Variants in NGEF observed in about 807,000 individuals in gnomAD.
NGEF encodes the protein neuronal guanine nucleotide exchange factor.
In NGEF, 31 loss-of-function variants were observed where a neutral mutation model predicts 80.9. The observed-to-expected ratio is 0.38, with a 90% CI of 0.29 to 0.52. The LOEUF is 0.52. NGEF is among the 20% of genes least tolerant of loss of function. NGEF has a pLI of 0.84. For synonymous variants in NGEF, 371 were observed against 370.2 expected (o/e 1.00, Z -0.03); for missense variants, 709 against 926.2 (o/e 0.77, Z 3.04).
intron 5 of NGEF, among the ~76,000 whole-genome samples, chr2:232,895,682 G>A (rs1330583954): frequency 6.6e-6 from 1 of 152,156 alleles, no homozygotes; most frequent in African/African-American, 2.4e-5. Flanking sequence ...GGGGAAACCG[G>A]CCAGTGTCAA....
chr2:232,994,746 T>C (rs1694742847), intron 1 of NGEF, among the ~76,000 whole-genome samples: 1 of 152,092 alleles, frequency 6.6e-6, no homozygotes, highest in Non-Finnish European at 1.5e-5. Context: ...ATCCAACTCC[T>C]GGGACTGATG....
intron 3 of NGEF, among the ~76,000 whole-genome samples, chr2:232,949,621 G>A (rs6437076): frequency 0.03 from 4,517 of 151,202 alleles, 214 homozygotes; most frequent in African/African-American, 0.1. Context: ...GGGATTACAG[G>A]CATGCACCAC....
chr2:232,936,454 C>G (rs548480564), intron 3 of NGEF, among the ~76,000 whole-genome samples: 310 of 152,312 alleles, frequency 2.0e-3, no homozygotes, highest in African/African-American at 7.1e-3. Context: ...TTTCCTTACC[C>G]AGGAGCCTTG....
rs1487281619 is a variant in NGEF, at chr2:232,920,421, G to A, written c.691C>T (p.Pro231Ser). The change falls in exon 5 of 15, where the codon CCA (proline) becomes TCA (serine). Residue 231 changes from proline (P) to serine (S), a missense_variant. Pro to Ser is a moderately conservative substitution (Grantham distance 74). Coordinates refer to ENST00000264051, the MANE Select transcript of NGEF (RefSeq NM_019850.3). The part of the protein sequence containing the change: ...EEEEEEPASP[P>S]ERKTLPQICL... ...ATCTGGGGCAGAGTCTTCCTCTCTG[G>A]TGGGCTGGCCGGCTCCTCCTCCTCC... 6.2e-7 allele frequency: 1 copy of A among 1,614,024 alleles called. No homozygotes were observed. The highest frequency in any genetic ancestry group is 1.7e-5 in the Admixed American group (1 of 60,006).
intron 1 of NGEF, among the ~76,000 whole-genome samples, chr2:232,978,867 A>G (rs1019529860): frequency 3.3e-5 from 5 of 152,178 alleles, no homozygotes; most frequent in African/African-American, 1.2e-4. Context: ...AATAGCTGGG[A>G]GCACAGGCGC....
At chr2:232,943,168 T>C (rs899421283) in intron 3 of NGEF, among the ~76,000 whole-genome samples, 3 of 151,978 alleles carry the variant, frequency 2.0e-5, no homozygotes, top group African/African-American at 7.2e-5. Flanking sequence ...CCTTCCTTCC[T>C]TTTTTTGTGG....
intron 3 of NGEF, among the ~76,000 whole-genome samples, chr2:232,961,698 A>G (rs371698925): frequency 1.3e-5 from 2 of 152,026 alleles, no homozygotes; most frequent in African/African-American, 2.4e-5. Context: ...GGGTTTCACC[A>G]TGATAGCCAG....
chr2:232,981,527 C>A (rs1694418881), intron 1 of NGEF, among the ~76,000 whole-genome samples: 1 of 152,098 alleles, frequency 6.6e-6, no homozygotes, highest in South Asian at 2.1e-4. Context: ...GTTTTGCAGG[C>A]CCTGCACTGG....
At position 232,882,425 on chromosome 2, in the gene NGEF, G is replaced by A. The variant is rs371748226; in HGVS notation, c.1758-160C>T. Among the ~76,000 whole-genome samples the A allele has an allele frequency of 4.6e-5, 7 of 152,342 alleles. No individual in the cohort carries two copies. The East Asian group carries it at 1.2e-3, about 25-fold the overall frequency. On this transcript the variant is annotated intron_variant, in intron 12 of 14. Transcript: ENST00000264051. ...GACAGCTCGGGGGAGCCACAGAAACGGGCTGGTCCAGGGTCTGACACATAC... is the reference window on the plus strand; with the variant it reads ...GACAGCTCGGGGGAGCCACAGAAACAGGCTGGTCCAGGGTCTGACACATAC...
intron 3 of NGEF, chr2:232,928,025 G>A: frequency 8.3e-7 from 1 of 1,201,152 alleles, no homozygotes; most frequent in Non-Finnish European, 1.0e-6. Flanking sequence ...GCGGGTGCGG[G>A]GGCCGGGTCG....
intron 3 of NGEF, among the ~76,000 whole-genome samples, chr2:232,932,312 G>A (rs1379423715): frequency 2.6e-5 from 4 of 151,764 alleles, no homozygotes; most frequent in East Asian, 3.9e-4. Flanking sequence ...TTAAAGGTGC[G>A]CACCATCATG....
At chr2:232,886,095 G>A (rs1691673264) in intron 9 of NGEF, among the ~76,000 whole-genome samples, 1 of 79,148 alleles carries the variant, frequency 1.3e-5, no homozygotes, top group African/African-American at 5.1e-5. Context: ...TGTGTGTGCT[G>A]TGTGTGCCAT....
Position 232,994,671 on chromosome 2 carries a change from T to A in NGEF, c.-75+18397A>T, listed in dbSNP as rs9678984. Among the ~76,000 whole-genome samples the A allele has an allele frequency of 4.4e-3, 667 of 152,232 alleles. 8 individuals carry two copies. Among genetic ancestry groups the A allele is most frequent in the African/African-American group, 0.015 (624 of 41,536 alleles). The stretch of plus-strand genomic sequence containing the variant: ...TTCGGCCCTTCGCTGGCTGAATGCA[T>A]TGGGCATGTGGGTTCCCCTTGGGGC... On this transcript the variant is annotated intron_variant, in intron 1 of 14. Transcript: ENST00000264051.
At position 232,905,209 on chromosome 2, in the gene NGEF, G is replaced by C. The variant is rs531615079; in HGVS notation, c.829-10293C>G. ...CTCACTGCAACCTCCCTGCCTGATT[G>C]TCCTGCCTCAGCCTGCCGAGTGCCT... On this transcript the variant is annotated intron_variant, in intron 5 of 14. Coordinates refer to ENST00000264051, the MANE Select transcript of NGEF (RefSeq NM_019850.3). 5.9e-3 allele frequency among the ~76,000 whole-genome samples: 898 copies of C among 152,196 alleles called. 35 individuals carry two copies. The highest frequency in any genetic ancestry group is 0.048 in the Admixed American group (730 of 15,296).
At chr2:232,882,414 G>T in intron 12 of NGEF, 149 bp from the exon 13 acceptor site, 1 of 718,182 alleles carries the variant, frequency 1.4e-6, no homozygotes, top group Non-Finnish European at 2.4e-6. Flanking sequence ...GCTCGGGGGA[G>T]CCACAGAAAC....
chr2:232,919,189 A>G (rs1269362932), intron 5 of NGEF, among the ~76,000 whole-genome samples: 1 of 152,210 alleles, frequency 6.6e-6, no homozygotes, highest in Non-Finnish European at 1.5e-5. Context: ...TGGGTCATTA[A>G]TAGTATATAT....
chr2:232,899,403 T>G (rs1692202761), intron 5 of NGEF, among the ~76,000 whole-genome samples: 1 of 152,198 alleles, frequency 6.6e-6, no homozygotes, highest in Non-Finnish European at 1.5e-5. Context: ...CTAAGCCCAT[T>G]CCTGGCCTGG....
intron 13 of NGEF, 64 bp from the exon 14 acceptor site, chr2:232,881,314 A>G: frequency 7.7e-7 from 1 of 1,302,302 alleles, no homozygotes; most frequent in Non-Finnish European, 1.1e-6. Context: ...ACTCCCACCA[A>G]GCCCGCAGCT....
At chr2:232,980,610 T>G (rs909984050) in intron 1 of NGEF, among the ~76,000 whole-genome samples, 5 of 152,172 alleles carry the variant, frequency 3.3e-5, no homozygotes, top group African/African-American at 1.2e-4. Context: ...ATGATTCTTC[T>G]GCCTCAGTTT....
Sources: allele counts gnomAD v4.1 joint callset (sites outside exome capture counted in the v4.1 genomes callset), GRCh38; gene constraint gnomAD v4.1.1; transcripts MANE v1.5; gene names NCBI Gene and HGNC (gene_info 2026-07-23, HGNC 2026-07-21).